DDAH1: variants seen among roughly 807,000 people sequenced by gnomAD.
DDAH1 encodes N(G),N(G)-dimethylarginine dimethylaminohydrolase 1.
In DDAH1, 19 loss-of-function variants were observed where a neutral mutation model predicts 28.8. That is an observed-to-expected ratio of 0.66 (90% CI 0.46 to 0.97). The LOEUF (loss-of-function observed/expected upper bound fraction) is 0.97, where lower values mean the gene tolerates loss of function less well. Ranked by LOEUF, DDAH1 falls within the 50% of genes least tolerant of loss-of-function variation. DDAH1 has a pLI of 0.00. For missense variants in DDAH1, 326 were observed against 375.9 expected, an observed-to-expected ratio of 0.87 and a Z score of 1.10; for synonymous variants, 153 against 154.4, an observed-to-expected ratio of 0.99 and a Z score of 0.07.
intron 2 of DDAH1, among the ~76,000 whole-genome samples, chr1:85,470,571 A>G (rs1348176822): frequency 6.6e-6 from 1 of 152,268 alleles, no homozygotes; most frequent in Non-Finnish European, 1.5e-5. Context: ...TGCTAGAAAT[A>G]TCGGATAAAG....
intron 4 of DDAH1, among the ~76,000 whole-genome samples, chr1:85,347,712 T>C (rs952768916): frequency 2.0e-5 from 3 of 152,094 alleles, no homozygotes; most frequent in Non-Finnish European, 4.4e-5. Context: ...CATGTATACA[T>C]ATATAACAAA....
intron 1 of DDAH1, among the ~76,000 whole-genome samples, chr1:85,497,773 C>T (rs1656651314): frequency 6.6e-6 from 1 of 152,166 alleles, no homozygotes; most frequent in African/African-American, 2.4e-5. Context: ...AAATGTAACA[C>T]AATTATACTA....
chr1:85,391,169 C>A (rs1304590553), intron 1 of DDAH1, among the ~76,000 whole-genome samples: 1 of 152,206 alleles, frequency 6.6e-6, no homozygotes, highest in African/African-American at 2.4e-5. Context: ...TCTGAAAACA[C>A]AATTAAATGC....
upstream of DDAH1, among the ~76,000 whole-genome samples, chr1:85,465,514 T>A (rs1437708977): frequency 1.3e-5 from 2 of 152,228 alleles, no homozygotes; most frequent in African/African-American, 4.8e-5. Context: ...GAGGGCTTCC[T>A]GGTCTTTACC....
At chr1:85,346,726 T>C (rs961357710) in intron 4 of DDAH1, among the ~76,000 whole-genome samples, 1 of 137,718 alleles carries the variant, frequency 7.3e-6, no homozygotes. Context: ...ATGGAGTATT[T>C]ATATTTCTAT....
chr1:85,479,167 T>C (rs1052853336), intron 2 of DDAH1, among the ~76,000 whole-genome samples: 10 of 127,680 alleles, frequency 7.8e-5, no homozygotes, highest in East Asian at 2.1e-4. Flanking sequence ...TTCTTTTTTT[T>C]TTTTTTTTTT....
intron 4 of DDAH1, among the ~76,000 whole-genome samples, chr1:85,328,872 C>T (rs1473688649): frequency 6.6e-6 from 1 of 152,244 alleles, no homozygotes; most frequent in African/African-American, 2.4e-5. Flanking sequence ...CACATTCAGG[C>T]TAAGTGCTCC....
intron 2 of DDAH1, among the ~76,000 whole-genome samples, chr1:85,491,738 A>G (rs1255353817): frequency 6.6e-6 from 1 of 152,182 alleles, no homozygotes; most frequent in Non-Finnish European, 1.5e-5. Flanking sequence ...AAGGTGCCCA[A>G]TAAACATATA....
At chr1:85,323,968 CAAA>C (rs11446322) in intron 5 of DDAH1, among the ~76,000 whole-genome samples, 10 of 99,926 alleles carry the variant, frequency 1.0e-4, no homozygotes, top group Admixed American at 2.2e-4. Context: ...GATCCTGTCT[CAAA>C]AAAAAAAAAA....
chr1:85,450,185 A>C (rs1396034122), intron 1 of DDAH1, among the ~76,000 whole-genome samples: 3 of 152,314 alleles, frequency 2.0e-5, no homozygotes, highest in South Asian at 4.1e-4. Flanking sequence ...TTTCATGCTT[A>C]TCTCTCCAAT....
chr1:85,415,423 C>T (rs905210360), intron 1 of DDAH1, among the ~76,000 whole-genome samples: 2 of 152,170 alleles, frequency 1.3e-5, no homozygotes, highest in Admixed American at 6.5e-5. Flanking sequence ...AGCTCTACTT[C>T]TAGAAATCTG....
At chr1:85,472,066 T>C (rs1199662504) in intron 2 of DDAH1, among the ~76,000 whole-genome samples, 1 of 152,174 alleles carries the variant, frequency 6.6e-6, no homozygotes, top group African/African-American at 2.4e-5. Flanking sequence ...CCAAAATGCC[T>C]TTTTCTCCAA....
chr1:85,384,279 A>C (rs1651143803), intron 1 of DDAH1, among the ~76,000 whole-genome samples: 2 of 152,202 alleles, frequency 1.3e-5, no homozygotes, highest in Admixed American at 6.5e-5. Flanking sequence ...CAAAGACTCA[A>C]GTAACAATCC....
intron 4 of DDAH1, among the ~76,000 whole-genome samples, chr1:85,339,046 C>CAA (rs67167548): frequency 3.8e-4 from 52 of 138,482 alleles, no homozygotes; most frequent in African/African-American, 8.1e-4. Context: ...GACTCCGTCT[C>CAA]AAAAAAAAAA....
At chr1:85,450,988 A>T (rs1654647480) in intron 1 of DDAH1, among the ~76,000 whole-genome samples, 1 of 152,168 alleles carries the variant, frequency 6.6e-6, no homozygotes, top group Non-Finnish European at 1.5e-5. Context: ...GAGTCTGATG[A>T]CCTACTCCTA....
At chr1:85,562,051 G>A (rs1659156962) in intron 1 of DDAH1, among the ~76,000 whole-genome samples, 1 of 151,982 alleles carries the variant, frequency 6.6e-6, no homozygotes, top group Non-Finnish European at 1.5e-5. Flanking sequence ...TTATTCTTAG[G>A]TAAGAAGCTA....
chr1:85,430,415 G>GTTT (rs569747400), intron 1 of DDAH1, among the ~76,000 whole-genome samples: 1 of 152,126 alleles, frequency 6.6e-6, no homozygotes, highest in Non-Finnish European at 1.5e-5. Flanking sequence ...ATTTTAAGTA[G>GTTT]TTTTTTCTAA....
intron 1 of DDAH1, among the ~76,000 whole-genome samples, chr1:85,426,201 C>T (rs1653389077): frequency 6.6e-6 from 1 of 152,072 alleles, no homozygotes; most frequent in Non-Finnish European, 1.5e-5. Flanking sequence ...TTCCTTGTTT[C>T]CTTGGAACTT....
At position 85,351,503 on chromosome 1, in the gene DDAH1, T is replaced by C. The variant is rs1447287455; in HGVS notation, c.477+3A>G. 6.2e-7 allele frequency: 1 copy of C among 1,613,416 alleles called. No individual in the cohort carries two copies. Among genetic ancestry groups the C allele is most frequent in the Non-Finnish European group, 8.5e-7 (1 of 1,179,424 alleles). On this transcript the variant is annotated splice_donor_region_variant and intron_variant, in intron 3 of 5. Coordinates refer to ENST00000284031, the MANE Select transcript of DDAH1 (RefSeq NM_012137.4). ...TGCCAGGCATAAACTACCTTTTACC[T>C]ACCTTAAAAGTATCAGCCAAGATTT...
Sources: allele counts gnomAD v4.1 joint callset (sites outside exome capture counted in the v4.1 genomes callset), GRCh38; gene constraint gnomAD v4.1.1; transcripts MANE v1.5; gene names NCBI Gene and HGNC (gene_info 2026-07-23, HGNC 2026-07-21).